PRKCQ: variants seen among roughly 807,000 people sequenced by gnomAD.
The protein encoded by PRKCQ is protein kinase C theta type.
Under a neutral mutation model 91.2 loss-of-function variants are expected in PRKCQ, and 41 were observed. The ratio of observed to expected loss-of-function variants is 0.45; its 90% CI spans 0.35 to 0.58. The LOEUF (loss-of-function observed/expected upper bound fraction) is 0.58. Among genes scored for constraint, PRKCQ ranks in the 20% least tolerant of loss-of-function variants. The probability of loss-of-function intolerance (pLI) is 0.00; values close to 1 mark genes in which losing one functional copy is unlikely to be tolerated. For synonymous variants in PRKCQ, 307 were observed against 316.9 expected (o/e 0.97, Z 0.33); for missense variants, 673 against 896.5 (o/e 0.75, Z 3.18).
intron 1 of PRKCQ, among the ~76,000 whole-genome samples, chr10:6,520,130 T>C (rs1487954272): frequency 6.6e-6 from 1 of 152,214 alleles, no homozygotes; most frequent in East Asian, 1.9e-4. Context: ...ACCCCTTGTC[T>C]GAGCAATAAA....
rs182501498 is a variant in PRKCQ at position 6,453,645 on chromosome 10, C to T, written c.1647+3029G>A. Among the ~76,000 whole-genome samples, 107 of 152,270 alleles carry T rather than the reference C, an allele frequency of 7.0e-4. 1 individual carries two copies. The highest frequency in any genetic ancestry group is 2.5e-3 in the African/African-American group (104 of 41,546). On this transcript the variant is annotated intron_variant, in intron 15 of 17. Transcript: ENST00000263125. ...CATCTGTTTGTTGTGGCACTATTCA[C>T]AATAGCAAAGACTTGGAACCAACCC...
chr10:6,510,933 G>C, intron 3 of PRKCQ, 62 bp downstream of exon 3: 2 of 1,592,038 alleles, frequency 1.3e-6, no homozygotes, highest in Non-Finnish European at 1.7e-6. Flanking sequence ...TGGGAGTTCT[G>C]AGCCAGTCAT....
Position 6,465,824 on chromosome 10 carries a change from T to C in PRKCQ, c.1354-1420A>G, listed in dbSNP as rs1199741825. On this transcript the variant is annotated intron_variant, in intron 12 of 17. Transcript: ENST00000263125. The surrounding 1 kb of genome is among the most constrained non-coding windows in gnomAD (Gnocchi z 4.4). ...GTCTTTTTTCAATGTTAGTTTCCGA[T>C]CTGATTTACTAATTCCATATATCTT... Among the ~76,000 whole-genome samples the C allele has an allele frequency of 1.3e-5, 2 of 152,250 alleles. No homozygotes were observed. Among genetic ancestry groups the C allele is most frequent in the African/African-American group, 4.8e-5 (2 of 41,470 alleles).
rs190990185 is a variant in PRKCQ at position 6,552,401 on chromosome 10, G to T, written c.-10+27810C>A. ...TGCCTCCAAGATTCAGGCTCAGTGC[G>T]TGCAGTCTCCATTCATTCATTCTCA... On this transcript the variant is annotated intron_variant, in intron 1 of 17. Coordinates refer to ENST00000263125, the MANE Select transcript of PRKCQ (RefSeq NM_006257.5). Among the ~76,000 whole-genome samples, 16 of 151,450 alleles carry T rather than the reference G, an allele frequency of 1.1e-4. No homozygotes were observed. In the South Asian group the frequency reaches 2.5e-3, roughly 24 times the overall value.
At chr10:6,425,604 C>T (rs989555657), downstream of PRKCQ, among the ~76,000 whole-genome samples, 5 of 152,050 alleles carry the variant, frequency 3.3e-5, no homozygotes, top group East Asian at 3.9e-4. Context: ...ACAAGTACTT[C>T]GCACACTCAG....
chr10:6,498,251 T>C, intron 5 of PRKCQ, 145 bp downstream of exon 5: 1 of 1,054,248 alleles, frequency 9.5e-7, no homozygotes, highest in Non-Finnish European at 1.4e-6. Context: ...TTGAACCTTC[T>C]CAGTTCAGGC....
chr10:6,556,282 A>T (rs1185541535), intron 1 of PRKCQ, among the ~76,000 whole-genome samples: 1 of 151,840 alleles, frequency 6.6e-6, no homozygotes, highest in Non-Finnish European at 1.5e-5. Context: ...AATTTAAGAA[A>T]CCAGCTGGGT....
At chr10:6,495,766 T>G (rs1837551673) in intron 7 of PRKCQ, among the ~76,000 whole-genome samples, 1 of 151,926 alleles carries the variant, frequency 6.6e-6, no homozygotes, top group African/African-American at 2.4e-5. Flanking sequence ...TCATAATGAG[T>G]GACAGAGTGG....
intron 12 of PRKCQ, among the ~76,000 whole-genome samples, chr10:6,475,997 G>C (rs1426636825): frequency 6.6e-6 from 1 of 152,042 alleles, no homozygotes; most frequent in Non-Finnish European, 1.5e-5. Flanking sequence ...GGATGCACTT[G>C]TGGCTCAGGT....
chr10:6,567,749 G>A (rs1840884415), intron 1 of PRKCQ, among the ~76,000 whole-genome samples: 2 of 151,976 alleles, frequency 1.3e-5, no homozygotes, highest in South Asian at 4.1e-4. Flanking sequence ...GTTTTTCTTT[G>A]GTTTCATAAT....
chr10:6,513,447 CAAAAAAAAAA>C (rs58606251), intron 2 of PRKCQ, among the ~76,000 whole-genome samples: 8 of 105,600 alleles, frequency 7.6e-5, no homozygotes, highest in Non-Finnish European at 1.3e-4. Flanking sequence ...AGGCCAAATG[CAAAAAAAAAA>C]AAAAAAAAAA....
rs1183341964 is a variant in PRKCQ, at chr10:6,525,505, T to C, written c.-9-10361A>G. Among the ~76,000 whole-genome samples, 8 of 152,218 alleles carry C rather than the reference T, an allele frequency of 5.3e-5. No homozygotes were observed. The East Asian group carries it at 1.2e-3, about 22-fold the overall frequency. The stretch of plus-strand genomic sequence containing the variant: ...CCAACCTAATAATCCCACCTCGCCG[T>C]ACTTTCTGTTGCCTTAGTGCTCTCT... On this transcript the variant is annotated intron_variant, in intron 1 of 17. Transcript: ENST00000263125.
the PRKCQ span, among the ~76,000 whole-genome samples, chr10:6,417,317 T>A: frequency 6.6e-6 from 1 of 152,212 alleles, no homozygotes; most frequent in African/African-American, 2.4e-5. Flanking sequence ...CCACTTGTTT[T>A]TCAGATTTGT....
intron 17 of PRKCQ, among the ~76,000 whole-genome samples, chr10:6,428,952 A>G (rs561634496): frequency 1.9e-4 from 29 of 152,380 alleles, no homozygotes; most frequent in African/African-American, 6.7e-4. Flanking sequence ...TTCATGGCAA[A>G]AAAACCAAAA....
chr10:6,551,900 CTTTCCACAATGG>C (rs1840200029), intron 1 of PRKCQ, among the ~76,000 whole-genome samples: 2 of 152,196 alleles, frequency 1.3e-5, no homozygotes, highest in African/African-American at 2.4e-5. Context: ...CACCATACTG[CTTTCCACAATGG>C]TTGAACTGGT....
At chr10:6,508,111 C>CTTCA (rs1283773063) in intron 3 of PRKCQ, among the ~76,000 whole-genome samples, 1 of 152,126 alleles carries the variant, frequency 6.6e-6, no homozygotes, top group Non-Finnish European at 1.5e-5. Flanking sequence ...TAAATACATA[C>CTTCA]TTCAGTACTG....
intron 1 of PRKCQ, among the ~76,000 whole-genome samples, chr10:6,571,801 C>A (rs999129816): frequency 1.3e-5 from 2 of 152,012 alleles, no homozygotes; most frequent in African/African-American, 4.8e-5. Flanking sequence ...AAGACCCTGC[C>A]TCAAAAACAA....
intron 16 of PRKCQ, among the ~76,000 whole-genome samples, chr10:6,432,121 A>AT (rs892315506): frequency 1.3e-5 from 2 of 152,212 alleles, no homozygotes; most frequent in African/African-American, 4.8e-5. Flanking sequence ...GTTATAGGGC[A>AT]TTTTAAGGAG....
At chr10:6,401,735 CTT>C in the PRKCQ span, among the ~76,000 whole-genome samples, 1 of 152,194 alleles carries the variant, frequency 6.6e-6, no homozygotes, top group African/African-American at 2.4e-5. Flanking sequence ...CCCGCCGTCT[CTT>C]TCTCTGACTT....
Sources: allele counts gnomAD v4.1 joint callset (sites outside exome capture counted in the v4.1 genomes callset), GRCh38; gene constraint gnomAD v4.1.1; non-coding constraint Gnocchi (gnomAD v3.1); transcripts MANE v1.5; gene names NCBI Gene and HGNC (gene_info 2026-07-23, HGNC 2026-07-21).